Variants in RPRD1A observed in about 807,000 individuals in gnomAD.
RPRD1A encodes the protein regulation of nuclear pre-mRNA domain containing 1A.
A neutral mutation model predicts 37.8 loss-of-function variants in RPRD1A; 9 were observed. The ratio of observed to expected loss-of-function variants is 0.24; its 90% CI spans 0.14 to 0.42. The LOEUF (loss-of-function observed/expected upper bound fraction) is 0.42, where lower values mean the gene tolerates loss of function less well. Among genes scored for constraint, RPRD1A ranks in the 10% least tolerant of loss-of-function variants. The pLI is 1.00. For synonymous variants in RPRD1A, 138 were observed against 139.7 expected (o/e 0.99, Z 0.08); for missense variants, 255 against 371.0 (o/e 0.69, Z 2.57).
At chr18:36,010,532 T>C (rs1555671034) in intron 6 of RPRD1A, among the ~76,000 whole-genome samples, 1 of 152,024 alleles carries the variant, frequency 6.6e-6, no homozygotes, top group Non-Finnish European at 1.5e-5. Flanking sequence ...TGCAACTCAG[T>C]CTAACACCTT....
chr18:36,030,511 G>A (rs963956114), intron 4 of RPRD1A, among the ~76,000 whole-genome samples: 2 of 151,752 alleles, frequency 1.3e-5, no homozygotes, highest in African/African-American at 4.8e-5. Flanking sequence ...AACAAAATAG[G>A]CATGTTTTGT....
chr18:36,030,996 G>A lies in RPRD1A; in HGVS notation c.383C>T (p.Ala128Val). 6.3e-7 allele frequency: 1 copy of A among 1,594,086 alleles called. No homozygotes were observed. The highest frequency in any genetic ancestry group is 8.5e-7 in the Non-Finnish European group (1 of 1,172,310). ...GATCAGGATTCTACACTTACACAGA[G>A]CTTGTTTAAGTTGTTCTAATACATC... is the stretch of plus-strand genomic sequence containing the variant. The part of the protein sequence containing the change: ...ENDVLEQLKQ[A>V]LYGDKKPRKR... The change falls in exon 3 of 7, where the codon GCT becomes GTT. Residue 128 changes from alanine to valine, a missense_variant. Ala to Val is a moderately conservative substitution (Grantham distance 64, BLOSUM62 0). Transcript: ENST00000399022.
intron 6 of RPRD1A, among the ~76,000 whole-genome samples, chr18:36,012,407 A>C (rs1467096477): frequency 2.6e-5 from 4 of 152,234 alleles, no homozygotes; most frequent in Admixed American, 6.5e-5. Flanking sequence ...TTAACTGTAA[A>C]ATGGCCTCAG....
At chr18:35,993,583 T>C (rs1293371164) in intron 6 of RPRD1A, among the ~76,000 whole-genome samples, 2 of 152,240 alleles carry the variant, frequency 1.3e-5, no homozygotes, top group Non-Finnish European at 2.9e-5. Flanking sequence ...TCAGGTATTC[T>C]TGAGTTTGGG....
At chr18:36,049,866 A>G (rs1913249540) in intron 1 of RPRD1A, among the ~76,000 whole-genome samples, 1 of 152,120 alleles carries the variant, frequency 6.6e-6, no homozygotes, top group African/African-American at 2.4e-5. Context: ...CGGTAATAGT[A>G]TGTTTAAATT....
intron 6 of RPRD1A, among the ~76,000 whole-genome samples, chr18:36,002,199 T>C (rs1909464479): frequency 6.6e-6 from 1 of 152,222 alleles, no homozygotes; most frequent in Non-Finnish European, 1.5e-5. Context: ...AAATATTTAT[T>C]TGGCTTCATT....
intron 6 of RPRD1A, among the ~76,000 whole-genome samples, chr18:36,009,953 CCATTT>C (rs763753645): frequency 6.6e-5 from 10 of 152,184 alleles, no homozygotes; most frequent in African/African-American, 1.7e-4. Flanking sequence ...ATTCCCGTCT[CCATTT>C]CATTTCTCTC....
chr18:35,990,487 C>T lies in RPRD1A; in HGVS notation c.*2664G>A, dbSNP rs1419437272. On this transcript the variant is annotated 3_prime_UTR_variant, in exon 7 of 7. Coordinates refer to ENST00000399022, the MANE Select transcript of RPRD1A (RefSeq NM_018170.5). ...GGTTGGCTATTGAGCACAGCTGATT[C>T]TCAGATTCCTGGTTCCCCTCTATGG... 6.6e-6 allele frequency: 1 copy of T among 152,216 alleles called. No individual in the cohort carries two copies. The highest frequency in any genetic ancestry group is 1.5e-5 in the Non-Finnish European group (1 of 68,038). The allele number at this position is 152,216 out of a possible 1,614,324, so 9.4% of individuals were successfully genotyped here.
At chr18:36,016,972 T>G (rs1304758241) in intron 6 of RPRD1A, among the ~76,000 whole-genome samples, 1 of 151,940 alleles carries the variant, frequency 6.6e-6, no homozygotes, top group Non-Finnish European at 1.5e-5. Flanking sequence ...TGCTTATCAA[T>G]GGTTTTTCAA....
At chr18:36,029,905 A>ACG (rs1911648203) in intron 4 of RPRD1A, among the ~76,000 whole-genome samples, 1 of 151,532 alleles carries the variant, frequency 6.6e-6, no homozygotes, top group Admixed American at 6.6e-5. Context: ...TCCCAGGTTC[A>ACG]CGCCATTCTC....
At chr18:36,060,089 C>G (rs2088875720) in intron 1 of RPRD1A, among the ~76,000 whole-genome samples, 1 of 152,178 alleles carries the variant, frequency 6.6e-6, no homozygotes, top group Non-Finnish European at 1.5e-5. Context: ...AAAACAGACT[C>G]TCTTCATTTT....
intron 1 of RPRD1A, among the ~76,000 whole-genome samples, chr18:36,064,781 T>C (rs952208849): frequency 1.3e-5 from 2 of 152,152 alleles, no homozygotes; most frequent in Non-Finnish European, 2.9e-5. Context: ...GTTGAAGATT[T>C]GTTCTTTCAC....
intron 1 of RPRD1A, chr18:36,064,139 C>T (rs1297317491): frequency 6.6e-6 from 1 of 152,354 alleles, no homozygotes; most frequent in Non-Finnish European, 1.5e-5. Flanking sequence ...TCGGCGTCTG[C>T]TCTGGCCGTG....
chr18:36,026,619 G>A (rs969516739), intron 6 of RPRD1A: 2 of 282,048 alleles, frequency 7.1e-6, no homozygotes, highest in Non-Finnish European at 1.3e-5. Context: ...GATACATTAG[G>A]GTTAAACTGG....
Position 35,993,265 on chromosome 18 carries a change from C to G in RPRD1A, c.825G>C (p.Val275=), listed in dbSNP as rs762544781. 1.2e-6 allele frequency: 2 copies of G among 1,614,178 alleles called. No individual in the cohort carries two copies. The highest frequency in any genetic ancestry group is 3.3e-5 in the Admixed American group (2 of 60,016). ...YKRKLARVSL[V]RKELRSRIQS... ...GGATCCGGGACCTGAGTTCTTTGCG[C>G]ACCAGGGAAACTCTGGCTAGCTTGC... is the stretch of plus-strand genomic sequence containing the variant. The change falls in exon 7 of 7, where the codon GTG becomes GTC. Residue 275 remains valine (V), a synonymous_variant. Coordinates refer to ENST00000399022, the MANE Select transcript of RPRD1A (RefSeq NM_018170.5).
intron 2 of RPRD1A, among the ~76,000 whole-genome samples, chr18:36,033,299 C>CCAAAAAAAAAAAAAAAAAA (rs1348356259): frequency 1.7e-4 from 13 of 75,924 alleles, no homozygotes; most frequent in African/African-American, 7.6e-4. Flanking sequence ...GACTCTGTCT[C>CCAAAAAAAAAAAAAAAAAA]AAAAAAAAAA....
At chr18:36,009,632 CTA>C (rs1910045614) in intron 6 of RPRD1A, among the ~76,000 whole-genome samples, 2 of 152,170 alleles carry the variant, frequency 1.3e-5, no homozygotes, top group African/African-American at 4.8e-5. Flanking sequence ...TCTTCATTTC[CTA>C]TGTCTCTATT....
At chr18:36,027,488 G>T in intron 4 of RPRD1A, 178 bp from the exon 5 acceptor site, 1 of 541,848 alleles carries the variant, frequency 1.8e-6, no homozygotes, top group East Asian at 3.3e-5. Flanking sequence ...GCTATACTAT[G>T]TTAGGTGTTG....
intron 6 of RPRD1A, chr18:36,025,061 G>C (rs1449439639): frequency 6.6e-6 from 1 of 152,322 alleles, no homozygotes; most frequent in African/African-American, 2.4e-5. Flanking sequence ...TTACCTCTGA[G>C]AAGAGAGGGA....
Sources: allele counts gnomAD v4.1 joint callset (sites outside exome capture counted in the v4.1 genomes callset), GRCh38; gene constraint gnomAD v4.1.1; transcripts MANE v1.5; gene names NCBI Gene and HGNC (gene_info 2026-07-23, HGNC 2026-07-21).